NME6: variants seen among roughly 807,000 people sequenced by gnomAD.
NME6 encodes NME/NM23 nucleoside diphosphate kinase 6, also known as nucleoside diphosphate kinase 6, mitochondrial.
In NME6, 16 loss-of-function variants were observed where a neutral mutation model predicts 22.2. The observed-to-expected ratio is 0.72, with a 90% confidence interval of 0.49 to 1.09. NME6 has a LOEUF of 1.09. NME6 is among the 50% of genes least tolerant of loss of function. NME6 has a pLI of 0.00. For missense variants in NME6, 229 were observed against 239.0 expected, an observed-to-expected ratio of 0.96 and a Z score of 0.28; for synonymous variants, 58 against 85.2, an observed-to-expected ratio of 0.68 and a Z score of 1.76.
rs1316642689 is a variant in NME6 at position 48,295,225 on chromosome 3, G to A, written c.244C>T (p.Arg82Ter). ...LVEFMASGPIRAYILAHKDAI... is the reference protein window; with the variant it reads ...LVEFMASGPI ...TCCTTGTGGGCAAGGATGTAGGCTC[G>A]GATTGGCCCGCTGTGAACAAAACAA... The change falls in exon 5 of 6, where the codon CGA (arginine) becomes TGA (stop). Residue 82 changes from arginine to a stop codon, truncating the protein, a stop_gained. Coordinates refer to ENST00000442597, the MANE Select transcript of NME6 (RefSeq NM_001308426.2). LOFTEE classifies it high-confidence loss of function. 5.0e-6 allele frequency: 8 copies of A among 1,613,070 alleles called. No homozygotes were observed. Among genetic ancestry groups the A allele is most frequent in the African/African-American group, 1.3e-5 (1 of 74,922 alleles).
chr3:48,296,122 G>T lies in NME6; in HGVS notation c.230C>A (p.Ala77Asp), dbSNP rs543790164. The T allele has an allele frequency of 2.5e-6, 4 of 1,607,732 alleles. No homozygotes were observed. The East Asian group carries it at 8.9e-5, about 36-fold the overall frequency. ...GCTGGAACCAAATTTGAAGTACCTGGCCATGAACTCCACCAGCCTCTGATA... is the reference window on the plus strand; with the variant it reads ...GCTGGAACCAAATTTGAAGTACCTGTCCATGAACTCCACCAGCCTCTGATA... The part of the protein sequence containing the change: ...FFYQRLVEFM[A>D]SGPIRAYILA... Residue 77 changes from alanine to aspartate, a missense_variant, in exon 4 of 6, where the codon GCC becomes GAC. Transcript: ENST00000442597.
intron 4 of NME6, 167 bp downstream of exon 4, chr3:48,295,952 A>T: frequency 1.6e-6 from 1 of 639,302 alleles, no homozygotes; most frequent in Non-Finnish European, 2.8e-6. Flanking sequence ...CCTGACCTCA[A>T]GTGATCCACC....
chr3:48,296,207 A>T, intron 3 of NME6, 49 bp from the exon 4 acceptor site: 2 of 1,613,828 alleles, frequency 1.2e-6, no homozygotes, highest in Non-Finnish European at 1.7e-6. Flanking sequence ...CTGGTGCCCA[A>T]GGCAACTTTC....
In NME6 at chr3:48,295,175, G is replaced by C; in HGVS notation, c.294C>G (p.Leu98=). ...HKDAIQLWRT[L]MGPTRVFRAR... is the part of the protein sequence containing the mutation. ...CTCGGAACACTCTGGTGGGTCCCAT[G>C]AGCGTCCTCCAGAGCTGGATGGCAT... The change falls in exon 5 of 6, where the codon CTC becomes CTG. Residue 98 remains leucine (L), a synonymous_variant. Coordinates refer to ENST00000442597, the MANE Select transcript of NME6 (RefSeq NM_001308426.2). The C allele has an allele frequency of 6.2e-7, 1 of 1,614,216 alleles. No individual in the cohort carries two copies. Among genetic ancestry groups the C allele is most frequent in the Middle Eastern group, 1.6e-4 (1 of 6,062 alleles).
intron 1 of NME6, among the ~76,000 whole-genome samples, chr3:48,299,922 G>A (rs753896031): frequency 7.2e-5 from 11 of 152,076 alleles, no homozygotes; most frequent in Admixed American, 2.6e-4. Context: ...AGACATCCAT[G>A]ACACCTCCCC....
At chr3:48,298,939 A>C (rs2107000673) in intron 1 of NME6, 1 of 702,908 alleles carries the variant, frequency 1.4e-6, no homozygotes, top group Middle Eastern at 2.3e-4. Context: ...ATCTCTTAAA[A>C]TCTTCCATCC....
chr3:48,297,235 T>G (rs1043458945), intron 2 of NME6, among the ~76,000 whole-genome samples: 10 of 152,230 alleles, frequency 6.6e-5, no homozygotes, highest in African/African-American at 2.4e-4. Flanking sequence ...AGGAATGAAG[T>G]ACAACCACTT....
At chr3:48,298,391 C>T in intron 2 of NME6, 36 bp downstream of exon 2, 1 of 1,577,460 alleles carries the variant, frequency 6.3e-7, no homozygotes, top group Non-Finnish European at 8.7e-7. Context: ...TAGCAATTCC[C>T]AGGGCATGCG....
At chr3:48,301,325 T>G (rs376972804) in intron 1 of NME6, 28 bp downstream of exon 1, 281 of 1,587,128 alleles carry the variant, frequency 1.8e-4, no homozygotes, top group Admixed American at 5.2e-4. Context: ...GGAGCCCCAG[T>G]GCAGCAGAAG....
chr3:48,300,632 G>A, intron 1 of NME6: 1 of 279,018 alleles, frequency 3.6e-6, no homozygotes, highest in Non-Finnish European at 7.1e-6. Flanking sequence ...AAGAACACGC[G>A]GCCTGTAGGG....
In NME6 at chr3:48,292,853, A is replaced by C. The variant is rs2034649234; in HGVS notation, c.*1784T>G. On this transcript the variant is annotated 3_prime_UTR_variant, in exon 6 of 6. Coordinates refer to ENST00000442597, the MANE Select transcript of NME6 (RefSeq NM_001308426.2). Reference sequence around the variant, plus strand: ...GTGTGCCACTGTGCCCAGGTATTTCAAGGATTTTTGTACAGCAAATGGCCT... The same window carrying C: ...GTGTGCCACTGTGCCCAGGTATTTCCAGGATTTTTGTACAGCAAATGGCCT... 6.6e-6 allele frequency: 1 copy of C among 152,176 alleles called. No individual in the cohort carries two copies. Among genetic ancestry groups the C allele is most frequent in the Non-Finnish European group, 1.5e-5 (1 of 68,056 alleles). The allele number at this position is 152,176 out of a possible 1,614,324, so 9.4% of individuals were successfully genotyped here.
In NME6 at chr3:48,295,161, C is replaced by G; in HGVS notation, c.308G>C (p.Arg103Thr). 6.2e-7 allele frequency: 1 copy of G among 1,614,216 alleles called. No homozygotes were observed. Reference protein sequence around the residue: ...QLWRTLMGPTRVFRARHVAPD... With the variant: ...QLWRTLMGPTTVFRARHVAPD... Reference sequence around the variant, plus strand: ...GGCCACATGGCGTGCTCGGAACACTCTGGTGGGTCCCATGAGCGTCCTCCA... The same window carrying G: ...GGCCACATGGCGTGCTCGGAACACTGTGGTGGGTCCCATGAGCGTCCTCCA... The change falls in exon 5 of 6, where the codon AGA becomes ACA. Residue 103 changes from arginine to threonine, a missense_variant. Coordinates refer to ENST00000442597, the MANE Select transcript of NME6 (RefSeq NM_001308426.2).
Position 48,294,701 on chromosome 3 carries a change from A to G in NME6, c.497T>C (p.Val166Ala), listed in dbSNP as rs1051302739. 17 of 1,614,194 alleles carry G rather than the reference A, an allele frequency of 1.1e-5. No homozygotes were observed. Among genetic ancestry groups the G allele is most frequent in the Non-Finnish European group, 1.4e-5 (16 of 1,180,032 alleles). ...EEEPQLRCGP[V>A]CYSPEGGVHY... ...GACACCTCCCTCTGGGCTATAGCAC[A>G]CAGGGCCACAGCGCAACTGGGGCTC... The change falls in exon 6 of 6, where the codon GTG (valine) becomes GCG (alanine). Residue 166 changes from valine (V) to alanine (A), a missense_variant. Transcript: ENST00000442597.
intron 2 of NME6, 64 bp from the exon 3 acceptor site, chr3:48,296,893 A>C: frequency 3.2e-6 from 4 of 1,235,346 alleles, no homozygotes; most frequent in Non-Finnish European, 4.7e-6. Context: ...AAAAGAAACC[A>C]TGAGGACCAC....
chr3:48,297,641 A>AT (rs1168676604), intron 2 of NME6: 7 of 152,460 alleles, frequency 4.6e-5, no homozygotes, highest in Admixed American at 2.6e-4. Flanking sequence ...AACAACAGGG[A>AT]TTTTGAGGGA....
chr3:48,298,540 G>C lies in NME6; in HGVS notation c.-7-17C>G, dbSNP rs1328237594. On this transcript the variant is annotated splice_polypyrimidine_tract_variant and intron_variant, in intron 1 of 5. Transcript: ENST00000442597. ...ATCTCACTCCTGCCATTAGAGAGCT[G>C]TATTAGGAACCCTTCAGGACGGCAC... 2 of 1,578,374 alleles carry C rather than the reference G, an allele frequency of 1.3e-6. No individual in the cohort carries two copies. The highest frequency in any genetic ancestry group is 2.3e-5 in the South Asian group (2 of 85,310).
chr3:48,289,891 A>C (rs950443512), downstream of NME6, among the ~76,000 whole-genome samples: 1 of 152,212 alleles, frequency 6.6e-6, no homozygotes, highest in African/African-American at 2.4e-5. Flanking sequence ...AGAATAAAGA[A>C]GACTGTTATG....
chr3:48,298,612 A>C, intron 1 of NME6, 89 bp from the exon 2 acceptor site: 1 of 862,174 alleles, frequency 1.2e-6, no homozygotes. Context: ...CAAGCCAACG[A>C]GTGCTCTCAC....
Position 48,301,233 on chromosome 3 carries a change from C to T in NME6, c.-8+120G>A, listed in dbSNP as rs902526940. 11 of 1,543,344 alleles carry T rather than the reference C, an allele frequency of 7.1e-6. No homozygotes were observed. The South Asian group carries it at 1.2e-4, about 17-fold the overall frequency. ...CACGGCCTCAACTCTCGACCCAGCC[C>T]CCTACTTCTCTAGGCCTGCAACCGC... On this transcript the variant is annotated intron_variant, in intron 1 of 5. Coordinates refer to ENST00000442597, the MANE Select transcript of NME6 (RefSeq NM_001308426.2).
Sources: gnomAD v4.1 joint callset for allele counts (sites outside exome capture counted in the v4.1 genomes callset) on GRCh38, gnomAD v4.1.1 for gene constraint, MANE v1.5 for transcripts, NCBI Gene and HGNC (gene_info 2026-07-23, HGNC 2026-07-21) for gene names.